Variants in GPHN observed in about 807,000 individuals in gnomAD.
The protein encoded by GPHN is gephyrin.
Under a neutral mutation model 95.5 loss-of-function variants are expected in GPHN, and 17 were observed. That is an observed-to-expected ratio of 0.18 (90% CI 0.12 to 0.27). The LOEUF is 0.27. Among genes scored for constraint, GPHN ranks in the 10% least tolerant of loss-of-function variants. The probability of loss-of-function intolerance (pLI) is 1.00; values close to 1 mark genes in which losing one functional copy is unlikely to be tolerated. For missense variants in GPHN, 660 were observed against 978.1 expected (o/e 0.67, Z 4.34); for synonymous variants, 320 against 322.5 (o/e 0.99, Z 0.08).
intron 4 of GPHN, among the ~76,000 whole-genome samples, chr14:66,840,963 C>T (rs2062051044): frequency 7.0e-6 from 1 of 142,114 alleles, no homozygotes; most frequent in Non-Finnish European, 1.5e-5. Context: ...GTACTTAAAG[C>T]CTACTAGATA....
At chr14:67,280,850 T>TCCCAC in the GPHN span, among the ~76,000 whole-genome samples, 9 of 120,118 alleles carry the variant, frequency 7.5e-5, no homozygotes, top group African/African-American at 3.6e-4. Flanking sequence ...CTTCCTTCCT[T>TCCCAC]CCTTCCCTCC....
At chr14:67,602,046 AT>A in the GPHN span, among the ~76,000 whole-genome samples, 1 of 152,140 alleles carries the variant, frequency 6.6e-6, no homozygotes, top group Non-Finnish European at 1.5e-5. Flanking sequence ...TGTGCCCCGA[AT>A]CTGACAATTA....
chr14:66,787,032 AAT>A (rs2059801750), intron 3 of GPHN, among the ~76,000 whole-genome samples: 1 of 152,178 alleles, frequency 6.6e-6, no homozygotes, highest in Non-Finnish European at 1.5e-5. Context: ...GTAACGCAAG[AAT>A]ATGTGCTAAA....
At chr14:67,430,878 G>A in the GPHN span, among the ~76,000 whole-genome samples, 1 of 152,146 alleles carries the variant, frequency 6.6e-6, no homozygotes, top group Non-Finnish European at 1.5e-5. Context: ...ACTTTGGTAT[G>A]AGCATAAAGC....
the GPHN span, chr14:67,646,976 C>G: frequency 2.5e-6 from 4 of 1,612,958 alleles, no homozygotes; most frequent in Non-Finnish European, 3.4e-6. Flanking sequence ...TATTGATCGA[C>G]TTGGTATCCA....
At chr14:67,228,125 G>T in the GPHN span, among the ~76,000 whole-genome samples, 2 of 150,182 alleles carry the variant, frequency 1.3e-5, no homozygotes, top group Admixed American at 6.6e-5. Flanking sequence ...AGCCGAGATT[G>T]TGCCACTGCA....
intron 4 of GPHN, among the ~76,000 whole-genome samples, chr14:66,869,251 AAC>A (rs1354010569): frequency 2.0e-5 from 3 of 152,252 alleles, no homozygotes; most frequent in African/African-American, 7.2e-5. Flanking sequence ...TCTATTCATT[AAC>A]AGATACAGAT....
chr14:66,531,924 C>A (rs111836301), intron 1 of GPHN, among the ~76,000 whole-genome samples: 67 of 152,282 alleles, frequency 4.4e-4, no homozygotes, highest in African/African-American at 1.3e-3. Flanking sequence ...TCTCTCACAA[C>A]TATTCAGCTC....
the GPHN span, chr14:67,690,285 A>G: frequency 6.2e-7 from 1 of 1,614,182 alleles, no homozygotes; most frequent in South Asian, 1.1e-5. Context: ...CCAGGCCTGC[A>G]TTGTAGAATT....
chr14:67,535,370 C>CTTTTT, the GPHN span, among the ~76,000 whole-genome samples: 52 of 74,230 alleles, frequency 7.0e-4, 7 homozygotes, highest in African/African-American at 1.8e-3. Flanking sequence ...GTGAGCACAT[C>CTTTTT]TTTTTTTTTT....
chr14:67,457,003 T>C, the GPHN span, among the ~76,000 whole-genome samples: 22 of 152,188 alleles, frequency 1.4e-4, no homozygotes, highest in Non-Finnish European at 2.5e-4. Flanking sequence ...TGGAAGCCAT[T>C]ATCCTGAGTG....
chr14:66,532,587 G>T (rs1327721666), intron 1 of GPHN, among the ~76,000 whole-genome samples: 1 of 152,202 alleles, frequency 6.6e-6, no homozygotes, highest in African/African-American at 2.4e-5. Flanking sequence ...ACTATCCTCA[G>T]TATATCATGA....
chr14:66,668,577 A>G (rs1481711906), intron 1 of GPHN, among the ~76,000 whole-genome samples: 1 of 152,212 alleles, frequency 6.6e-6, no homozygotes, highest in Non-Finnish European at 1.5e-5. Context: ...TGGGAACTGA[A>G]TGGTGAGAAT....
chr14:66,839,084 T>G (rs1191616775), intron 4 of GPHN, among the ~76,000 whole-genome samples: 1 of 152,246 alleles, frequency 6.6e-6, no homozygotes, highest in Admixed American at 6.5e-5. Flanking sequence ...GTAACCATTT[T>G]AGATATTTAT....
At chr14:67,299,923 G>A in the GPHN span, among the ~76,000 whole-genome samples, 1 of 152,156 alleles carries the variant, frequency 6.6e-6, no homozygotes, top group Non-Finnish European at 1.5e-5. Flanking sequence ...AAAGGTGTAT[G>A]ATCAAGACTA....
intron 18 of GPHN, among the ~76,000 whole-genome samples, chr14:67,150,453 C>CA (rs1164806975): frequency 0.018 from 1,738 of 98,042 alleles, 16 homozygotes; most frequent in South Asian, 0.059. Context: ...AAAAAAAAAA[C>CA]AAAAAAAAAA....
At chr14:67,341,457 G>A in the GPHN span, among the ~76,000 whole-genome samples, 1 of 152,112 alleles carries the variant, frequency 6.6e-6, no homozygotes, top group South Asian at 2.1e-4. Context: ...CGTCCAGGAG[G>A]GAGGTTGGGG....
In GPHN at chr14:66,508,543, A is replaced by C. The variant is rs1398598822; in HGVS notation, c.16A>C (p.Met6Leu). 9 of 1,613,680 alleles carry C rather than the reference A, an allele frequency of 5.6e-6. No individual in the cohort carries two copies. The highest frequency in any genetic ancestry group is 7.6e-6 in the Non-Finnish European group (9 of 1,179,664). The change falls in exon 1 of 23, where the codon ATG becomes CTG. Residue 6 changes from methionine to leucine, a missense_variant. Met to Leu is a conservative substitution (Grantham distance 15). Transcript: ENST00000478722. MATEG[M>L]ILTNHDHQIR... ...GCTGGGAAACATGGCGACCGAGGGA[A>C]TGATCCTTACTAACCACGACCATCA...
At chr14:66,635,622 T>G (rs914104959) in intron 1 of GPHN, among the ~76,000 whole-genome samples, 3 of 152,084 alleles carry the variant, frequency 2.0e-5, no homozygotes, top group African/African-American at 7.2e-5. Flanking sequence ...TAAGGAAATG[T>G]TTTAAGTGGG....
Sources: allele counts gnomAD v4.1 joint callset (sites outside exome capture counted in the v4.1 genomes callset), GRCh38; gene constraint gnomAD v4.1.1; transcripts MANE v1.5; gene names NCBI Gene and HGNC (gene_info 2026-07-23, HGNC 2026-07-21).